The following ACBD6 variants were observed in gnomAD, a reference collection of about 807,000 sequenced individuals.
The protein encoded by ACBD6 is acyl-CoA-binding domain-containing protein 6.
Under a neutral mutation model 37.2 loss-of-function variants are expected in ACBD6, and 28 were observed. The observed-to-expected ratio is 0.75, with a 90% CI of 0.56 to 1.03. The LOEUF is 1.03. ACBD6 is among the 50% of genes least tolerant of loss of function. The pLI is 0.00. For missense variants in ACBD6, 340 were observed against 337.4 expected (o/e 1.01, Z -0.06); for synonymous variants, 113 against 126.8 (o/e 0.89, Z 0.73).
intron 6 of ACBD6, among the ~76,000 whole-genome samples, chr1:180,358,681 T>A (rs1652726739): frequency 6.6e-6 from 1 of 152,128 alleles, no homozygotes; most frequent in Admixed American, 6.5e-5. Flanking sequence ...GCTTGAACAG[T>A]TGTGTCCTGA....
chr1:180,319,800 C>T (rs373048283), intron 6 of ACBD6, among the ~76,000 whole-genome samples: 3 of 152,308 alleles, frequency 2.0e-5, no homozygotes, highest in African/African-American at 7.2e-5. Context: ...TAATGATCTC[C>T]AGGGTCTATC....
intron 3 of ACBD6, among the ~76,000 whole-genome samples, chr1:180,443,105 A>G (rs986739685): frequency 6.6e-6 from 1 of 151,934 alleles, no homozygotes; most frequent in East Asian, 1.9e-4. Flanking sequence ...CCTTTAAATT[A>G]TGTTGGACTT....
At chr1:180,358,038 A>C (rs1385920591) in intron 6 of ACBD6, among the ~76,000 whole-genome samples, 2 of 152,232 alleles carry the variant, frequency 1.3e-5, no homozygotes, top group Non-Finnish European at 2.9e-5. Flanking sequence ...GGTAGCCATT[A>C]AAAAGAAAAA....
intron 6 of ACBD6, among the ~76,000 whole-genome samples, chr1:180,338,014 T>C (rs1462448136): frequency 1.3e-5 from 2 of 152,062 alleles, no homozygotes; most frequent in African/African-American, 4.8e-5. Flanking sequence ...TCCAAACAAA[T>C]GGAAGAACAA....
rs113656471 is a variant in ACBD6 at position 180,476,435 on chromosome 1, T to G, written c.384+15834A>C. Among the ~76,000 whole-genome samples, 1,242 of 152,310 alleles carry G rather than the reference T, an allele frequency of 8.2e-3. 8 individuals carry two copies. The highest frequency in any genetic ancestry group is 0.015 in the Non-Finnish European group (1,044 of 68,034). ...AAAGAATGAAGTTGTCACTCAAAGG[T>G]TTTTGCCTATGCACACATATAGGCT... On this transcript the variant is annotated intron_variant, in intron 3 of 7. Coordinates refer to ENST00000367595, the MANE Select transcript of ACBD6 (RefSeq NM_032360.4).
chr1:180,321,097 C>T (rs1651052458), intron 6 of ACBD6, among the ~76,000 whole-genome samples: 2 of 152,106 alleles, frequency 1.3e-5, no homozygotes, highest in Non-Finnish European at 2.9e-5. Context: ...AAAGGGTTCA[C>T]TATAGGTGTA....
intron 4 of ACBD6, among the ~76,000 whole-genome samples, chr1:180,420,855 A>T (rs1156985501): frequency 6.6e-6 from 1 of 152,142 alleles, no homozygotes; most frequent in Non-Finnish European, 1.5e-5. Flanking sequence ...AATTTGCAGA[A>T]AACAGAGGTA....
At chr1:180,356,672 C>T (rs979091579) in intron 6 of ACBD6, among the ~76,000 whole-genome samples, 6 of 151,472 alleles carry the variant, frequency 4.0e-5, no homozygotes, top group Non-Finnish European at 8.8e-5. Flanking sequence ...TATGGCGAAA[C>T]CCCATTTCTA....
At position 180,427,932 on chromosome 1, in the gene ACBD6, A is replaced by C. The variant is rs575506323; in HGVS notation, c.467+2248T>G. ...AGACTCTGTCTCAAAAAAAAAAAAA[A>C]AACCAAAAACCAAAAAACAACGAAT... On this transcript the variant is annotated intron_variant, in intron 4 of 7. Transcript: ENST00000367595. Among the ~76,000 whole-genome samples the C allele has an allele frequency of 1.3e-3, 195 of 151,658 alleles. 1 individual carries two copies. Among genetic ancestry groups the C allele is most frequent in the South Asian group, 2.9e-3 (14 of 4,816 alleles).
intron 6 of ACBD6, among the ~76,000 whole-genome samples, chr1:180,368,236 C>A (rs1653122917): frequency 6.6e-6 from 1 of 151,390 alleles, no homozygotes; most frequent in Non-Finnish European, 1.5e-5. Flanking sequence ...TAATGGGGTT[C>A]TCTCTTGTAA....
At chr1:180,270,653 A>C (rs538312710) in exon 14 of ACBD6, 1 of 153,682 alleles carries the variant, frequency 6.5e-6, no homozygotes, top group Admixed American at 6.4e-5. Flanking sequence ...TTTTCTCAAA[A>C]AATTTTGACT....
chr1:180,274,125 G>C, intron 10 of ACBD6: 1 of 1,602,468 alleles, frequency 6.2e-7, no homozygotes. Flanking sequence ...AGGTTGTGAA[G>C]AGCAGGGGAC....
At chr1:180,304,070 A>G (rs1190179309) in intron 7 of ACBD6, among the ~76,000 whole-genome samples, 1 of 150,982 alleles carries the variant, frequency 6.6e-6, no homozygotes, top group East Asian at 1.9e-4. Context: ...TTCATGCTAA[A>G]AACTCTCAAT....
intron 3 of ACBD6, among the ~76,000 whole-genome samples, chr1:180,483,827 T>G (rs1651153596): frequency 6.6e-6 from 1 of 152,188 alleles, no homozygotes; most frequent in Admixed American, 6.5e-5. Context: ...CATTCTGCTA[T>G]TAGTACTTGA....
intron 3 of ACBD6, among the ~76,000 whole-genome samples, chr1:180,480,092 G>A (rs554340341): frequency 2.0e-5 from 3 of 152,348 alleles, no homozygotes; most frequent in Admixed American, 6.5e-5. Context: ...GGACTCAAAT[G>A]TGGATATAAA....
Position 180,502,533 on chromosome 1 carries a change from G to A in ACBD6, c.-267C>T, listed in dbSNP as rs1225953923. On this transcript the variant is annotated 5_prime_UTR_variant, in exon 1 of 8. Coordinates refer to ENST00000367595, the MANE Select transcript of ACBD6 (RefSeq NM_032360.4). ...TTCCCTCCGGCCAACAGCGCGCTCA[G>A]GCTCGCCTCAGGCCCCTCCAACGGA... 7 of 512,762 alleles carry A rather than the reference G, an allele frequency of 1.4e-5. No homozygotes were observed. The highest frequency in any genetic ancestry group is 2.1e-5 in the Non-Finnish European group (6 of 281,434). 31.8% of individuals were successfully genotyped at this position (512,762 alleles called of 1,614,324 possible). A position where few individuals can be genotyped will look rare whatever the true frequency, so the allele number is the denominator to read the frequency against.
At chr1:180,353,782 C>T (rs1458173250) in intron 6 of ACBD6, among the ~76,000 whole-genome samples, 1 of 1,702 alleles carries the variant, frequency 5.9e-4, no homozygotes, top group Non-Finnish European at 1.1e-3. Flanking sequence ...CAGTTAACAA[C>T]CACAAAAAAA....
At chr1:180,404,920 A>G (rs374174905) in intron 5 of ACBD6, among the ~76,000 whole-genome samples, 1 of 152,226 alleles carries the variant, frequency 6.6e-6, no homozygotes, top group East Asian at 1.9e-4. Flanking sequence ...ATTAAATCTA[A>G]GTTTCTGATG....
chr1:180,440,961 A>G (rs185790157), intron 3 of ACBD6, among the ~76,000 whole-genome samples: 2 of 152,314 alleles, frequency 1.3e-5, no homozygotes, highest in Admixed American at 1.3e-4. Context: ...CAGTTAATGG[A>G]CATTTGGGTT....
Sources: allele counts gnomAD v4.1 joint callset (sites outside exome capture counted in the v4.1 genomes callset), GRCh38; gene constraint gnomAD v4.1.1; transcripts MANE v1.5; gene names NCBI Gene and HGNC (gene_info 2026-07-23, HGNC 2026-07-21).